Variants in MRPL43 observed in about 807,000 individuals in gnomAD.
MRPL43 encodes large ribosomal subunit protein mL43.
MRPL43 carries 9 observed loss-of-function variants against 12.7 expected under a neutral mutation model. The ratio of observed to expected loss-of-function variants is 0.71; its 90% CI spans 0.43 to 1.24. MRPL43 has a LOEUF of 1.24. Ranked by LOEUF, MRPL43 falls within the 50% of genes most tolerant of loss-of-function variation. The pLI is 0.00. For missense variants in MRPL43, 211 were observed against 229.2 expected, an observed-to-expected ratio of 0.92 and a Z score of 0.51; for synonymous variants, 116 against 96.4, an observed-to-expected ratio of 1.20 and a Z score of -1.19.
chr10:100,979,815 A>T (rs1850971591), downstream of MRPL43: 1 of 1,609,704 alleles, frequency 6.2e-7, no homozygotes, highest in African/African-American at 1.3e-5. Context: ...GACTCCATGT[A>T]ACTCACCCCC....
chr10:100,980,172 G>A (rs760713409), downstream of MRPL43: 1 of 1,614,234 alleles, frequency 6.2e-7, no homozygotes, highest in South Asian at 1.1e-5. Context: ...CCCAAGACTT[G>A]CCATCCCTGG....
chr10:100,980,452 C>T, downstream of MRPL43: 1 of 1,353,892 alleles, frequency 7.4e-7, no homozygotes, highest in African/African-American at 1.4e-5. Context: ...CCTGAGGGTC[C>T]ACTGCTCCTG....
downstream of MRPL43, chr10:100,981,190 G>C (rs1325570015): frequency 1.9e-6 from 3 of 1,614,106 alleles, no homozygotes; most frequent in African/African-American, 2.7e-5. Context: ...ACAGGACATA[G>C]AGAGAGGAAA....
At chr10:100,982,771 G>A (rs903137603), downstream of MRPL43, among the ~76,000 whole-genome samples, 4 of 152,166 alleles carry the variant, frequency 2.6e-5, no homozygotes, top group Non-Finnish European at 5.9e-5. Context: ...CAGCCTAGGC[G>A]ACAGAATGAG....
downstream of MRPL43, chr10:100,984,650 C>A: frequency 6.5e-7 from 1 of 1,536,142 alleles, no homozygotes; most frequent in Non-Finnish European, 8.7e-7. Context: ...GGCTGCAGTG[C>A]CCCCACCCTC....
downstream of MRPL43, chr10:100,984,214 T>TCC (rs1256227888): frequency 6.6e-7 from 1 of 1,504,350 alleles, no homozygotes; most frequent in East Asian, 2.3e-5. Context: ...ACAGCCACCC[T>TCC]CCCTTCATTA....
downstream of MRPL43, chr10:100,979,366 G>A (rs754806911): frequency 5.0e-6 from 8 of 1,599,798 alleles, no homozygotes; most frequent in Admixed American, 1.2e-4. Context: ...ACTGTGGGGA[G>A]GTCTGGCTGC....
chr10:100,977,996 G>A, downstream of MRPL43: 1 of 569,676 alleles, frequency 1.8e-6, no homozygotes, highest in Non-Finnish European at 3.1e-6. Context: ...CAAAACAAAG[G>A]GCCTTGATCC....
chr10:100,986,997 T>C, intron 2 of MRPL43, 22 bp from the exon 3 acceptor site: 1 of 1,603,628 alleles, frequency 6.2e-7, no homozygotes, highest in African/African-American at 1.3e-5. Context: ...GGGGTGAGAG[T>C]GGGTGGAAGC....
At position 100,986,982 on chromosome 10, in the gene MRPL43, G is replaced by A. The variant is rs1276003361; in HGVS notation, c.239-7C>T. ...TCGCGCACAGCCCCGTTAACTGGCA[G>A]AAGAGGGGTGAGAGTGGGTGGAAGC... is the stretch of plus-strand genomic sequence containing the variant. On this transcript the variant is annotated splice_region_variant and splice_polypyrimidine_tract_variant and intron_variant, in intron 2 of 2. Transcript: ENST00000318364. 1 of 1,605,682 alleles carries A rather than the reference G, an allele frequency of 6.2e-7. No individual in the cohort carries two copies. The highest frequency in any genetic ancestry group is 8.5e-7 in the Non-Finnish European group (1 of 1,179,804).
chr10:100,984,475 T>C, downstream of MRPL43: 1 of 1,530,310 alleles, frequency 6.5e-7, no homozygotes, highest in Non-Finnish European at 8.7e-7. Flanking sequence ...CCCAAACCCT[T>C]TCTCTTTCTC....
chr10:100,982,705 T>C (rs1851159996), downstream of MRPL43, among the ~76,000 whole-genome samples: 1 of 152,080 alleles, frequency 6.6e-6, no homozygotes, highest in South Asian at 2.1e-4. Flanking sequence ...GGCAAGATAA[T>C]CGCGTGAACC....
downstream of MRPL43, chr10:100,983,328 C>T (rs1282755788): frequency 6.4e-6 from 10 of 1,569,052 alleles, no homozygotes; most frequent in Admixed American, 7.3e-5. Context: ...ACTGAAGACC[C>T]GCTCTGTGCT....
downstream of MRPL43, chr10:100,981,580 A>C: frequency 6.2e-7 from 1 of 1,611,476 alleles, no homozygotes; most frequent in South Asian, 1.1e-5. Flanking sequence ...CACAGCTAAG[A>C]TGTATTAAGT....
At chr10:100,981,762 C>A (rs181290489), downstream of MRPL43, among the ~76,000 whole-genome samples, 6 of 152,208 alleles carry the variant, frequency 3.9e-5, no homozygotes, top group African/African-American at 1.4e-4. Context: ...GAAACTGGAC[C>A]AGAATTCAAA....
chr10:100,981,556 CAA>C (rs1363237174), downstream of MRPL43: 5 of 1,613,570 alleles, frequency 3.1e-6, no homozygotes, highest in Non-Finnish European at 4.2e-6. Context: ...GAAGAAAGAA[CAA>C]AAGTTAATCA....
chr10:100,986,591 C>T lies in MRPL43; in HGVS notation c.*143G>A. 1 of 1,603,734 alleles carries T rather than the reference C, an allele frequency of 6.2e-7. No individual in the cohort carries two copies. The highest frequency in any genetic ancestry group is 1.1e-5 in the South Asian group (1 of 89,810). ...GCAGGCACTGGAAAGAAACAGGCAG[C>T]TCTTCATTATCCCAAGCAGAACCTC... On this transcript the variant is annotated 3_prime_UTR_variant, in exon 3 of 3. Coordinates refer to ENST00000318364, the MANE Select transcript of MRPL43 (RefSeq NM_032112.3).
downstream of MRPL43, chr10:100,978,774 G>T: frequency 6.3e-7 from 1 of 1,579,050 alleles, no homozygotes; most frequent in Non-Finnish European, 8.7e-7. Context: ...GTTGTCAAGT[G>T]AGGGGTCAGC....
At chr10:100,985,375 G>A (rs756150215), downstream of MRPL43, 7 of 154,780 alleles carry the variant, frequency 4.5e-5, no homozygotes, top group African/African-American at 1.4e-4. Context: ...CATTCCCCTC[G>A]GGTGAGGATG....
Sources: allele counts gnomAD v4.1 joint callset (sites outside exome capture counted in the v4.1 genomes callset), GRCh38; gene constraint gnomAD v4.1.1; transcripts MANE v1.5; gene names NCBI Gene and HGNC (gene_info 2026-07-23, HGNC 2026-07-21).